The following TMTC2 variants were observed in gnomAD, a reference collection of about 807,000 sequenced individuals.
The protein encoded by TMTC2 is protein O-mannosyl-transferase TMTC2.
In TMTC2, 43 loss-of-function variants were observed where a neutral mutation model predicts 82.4. That is an observed-to-expected ratio of 0.52 (90% CI 0.41 to 0.67). The LOEUF is 0.67. Among genes scored for constraint, TMTC2 ranks in the 30% least tolerant of loss-of-function variants. The probability of loss-of-function intolerance (pLI) is 0.00; values close to 1 mark genes in which losing one functional copy is unlikely to be tolerated. For missense variants in TMTC2, 919 were observed against 1,012.4 expected, an observed-to-expected ratio of 0.91 and a Z score of 1.25; for synonymous variants, 408 against 381.9, an observed-to-expected ratio of 1.07 and a Z score of -0.80.
intron 11 of TMTC2, among the ~76,000 whole-genome samples, chr12:83,107,655 T>C (rs1884456608): frequency 6.6e-6 from 1 of 152,164 alleles, no homozygotes; most frequent in African/African-American, 2.4e-5. Context: ...TAAGTAAACA[T>C]GGATAAGAAA....
At chr12:82,840,318 G>A (rs1870264157) in intron 1 of TMTC2, among the ~76,000 whole-genome samples, 1 of 152,236 alleles carries the variant, frequency 6.6e-6, no homozygotes, top group Admixed American at 6.5e-5. Context: ...GTGTGTATGT[G>A]TGTTTAACAC....
intron 11 of TMTC2, among the ~76,000 whole-genome samples, chr12:83,065,171 T>G (rs930420417): frequency 6.6e-6 from 1 of 151,978 alleles, no homozygotes; most frequent in African/African-American, 2.4e-5. Context: ...ATTAAATAGC[T>G]TGCTGATTGT....
At chr12:83,081,828 C>G (rs973747537) in intron 11 of TMTC2, among the ~76,000 whole-genome samples, 2 of 151,890 alleles carry the variant, frequency 1.3e-5, no homozygotes, top group African/African-American at 4.8e-5. Flanking sequence ...CACTGGGGTC[C>G]AAGGGTTCGA....
intron 1 of TMTC2, among the ~76,000 whole-genome samples, chr12:82,799,575 G>A (rs1430744845): frequency 6.6e-6 from 1 of 152,118 alleles, no homozygotes; most frequent in Admixed American, 6.5e-5. Flanking sequence ...TGTCTGCAGG[G>A]TTGGTTTCTT....
chr12:82,794,168 C>A (rs1365620083), intron 1 of TMTC2, among the ~76,000 whole-genome samples: 1 of 152,148 alleles, frequency 6.6e-6, no homozygotes, highest in Non-Finnish European at 1.5e-5. Context: ...CCTCAGCTGG[C>A]ATGTGGGACA....
chr12:82,736,117 C>T (rs1353774111), intron 1 of TMTC2, among the ~76,000 whole-genome samples: 1 of 152,024 alleles, frequency 6.6e-6, no homozygotes, highest in African/African-American at 2.4e-5. Flanking sequence ...CATTTAGGGA[C>T]CATAGGAAAT....
intron 2 of TMTC2, among the ~76,000 whole-genome samples, chr12:82,864,496 C>CTTT (rs775559477): frequency 2.4e-3 from 260 of 107,676 alleles, no homozygotes; most frequent in Middle Eastern, 5.7e-3. Flanking sequence ...ATGTCACATT[C>CTTT]TTTTTTTTTT....
At chr12:83,131,213 C>T (rs944775610) in intron 11 of TMTC2, among the ~76,000 whole-genome samples, 9 of 152,122 alleles carry the variant, frequency 5.9e-5, no homozygotes, top group Non-Finnish European at 1.3e-4. Flanking sequence ...GTGTAACTGC[C>T]AAAATATTAT....
At chr12:82,718,887 G>C (rs983193280) in intron 1 of TMTC2, among the ~76,000 whole-genome samples, 7 of 151,394 alleles carry the variant, frequency 4.6e-5, no homozygotes, top group Non-Finnish European at 1.0e-4. Context: ...ATTAAACATA[G>C]GATTTAGGAT....
chr12:82,849,799 A>G (rs1870877987), intron 1 of TMTC2, among the ~76,000 whole-genome samples: 1 of 152,136 alleles, frequency 6.6e-6, no homozygotes, highest in Non-Finnish European at 1.5e-5. Context: ...AGCTTCAGGT[A>G]TGATTGGATC....
chr12:82,949,565 A>G (rs1877236439), intron 4 of TMTC2, among the ~76,000 whole-genome samples: 1 of 152,154 alleles, frequency 6.6e-6, no homozygotes, highest in African/African-American at 2.4e-5. Flanking sequence ...TTGGCTTTAA[A>G]CAGACTTGGC....
rs750327404 is a variant in TMTC2 at position 82,716,361 on chromosome 12, A to ATTTTTT, written c.83+28707_83+28712dup. ...TCACATTCGTATGCTTGTCTGGTAC[A>ATTTTTT]TTTTTTTTTTTTTTTTTTTTGAGAC... On this transcript the variant is annotated intron_variant, in intron 1 of 11. Transcript: ENST00000321196. 3.9e-5 allele frequency among the ~76,000 whole-genome samples: 5 copies of ATTTTTT among 129,048 alleles called. No homozygotes were observed. In the Admixed American group the frequency reaches 4.0e-4, roughly 10 times the overall value. 84.7% of individuals were successfully genotyped at this position (129,048 alleles called of 152,430 possible).
In TMTC2 at chr12:82,857,259, T is replaced by C; in HGVS notation, c.333T>C (p.Gly111=). 3.1e-6 allele frequency: 5 copies of C among 1,614,170 alleles called. No homozygotes were observed. The highest frequency in any genetic ancestry group is 4.2e-6 in the Non-Finnish European group (5 of 1,180,040). The change falls in exon 2 of 12, where the codon GGT becomes GGC. Residue 111 remains glycine, a synonymous_variant. Transcript: ENST00000321196. ...CAAGCTTCTCCAAGATCCTCCTTGG[T>C]GATGGATACTGGACATTCATGGCTG... ...LFTSFSKILL[G]DGYWTFMAGL...
intron 2 of TMTC2, among the ~76,000 whole-genome samples, chr12:82,865,058 CAA>C (rs1373298523): frequency 1.7e-3 from 143 of 84,362 alleles, no homozygotes; most frequent in African/African-American, 3.8e-3. Context: ...ACTAAAAATA[CAA>C]AAAAAAAAAA....
At chr12:82,892,808 G>T (rs1231525029) in intron 2 of TMTC2, among the ~76,000 whole-genome samples, 1 of 152,134 alleles carries the variant, frequency 6.6e-6, no homozygotes, top group Admixed American at 6.5e-5. Context: ...TGTCTTTCAA[G>T]ATCAGTCTTC....
intron 11 of TMTC2, among the ~76,000 whole-genome samples, chr12:83,104,341 A>G (rs1194594326): frequency 6.6e-6 from 1 of 152,100 alleles, no homozygotes. Context: ...TCCCCTTGGC[A>G]CGTCTCTAGT....
At chr12:82,750,979 G>A (rs571583166) in intron 1 of TMTC2, among the ~76,000 whole-genome samples, 5 of 152,154 alleles carry the variant, frequency 3.3e-5, no homozygotes, top group Non-Finnish European at 5.9e-5. Context: ...AGGCAAGCGT[G>A]ACTTCAGAGC....
At chr12:83,025,621 C>A (rs1031252319) in intron 8 of TMTC2, among the ~76,000 whole-genome samples, 8 of 152,190 alleles carry the variant, frequency 5.3e-5, no homozygotes, top group African/African-American at 1.9e-4. Flanking sequence ...GCAGACCTCA[C>A]AGGTTAAGGA....
chr12:82,755,356 T>C (rs748939179), intron 1 of TMTC2, among the ~76,000 whole-genome samples: 4 of 152,202 alleles, frequency 2.6e-5, no homozygotes, highest in Non-Finnish European at 4.4e-5. Flanking sequence ...CTATATTCTT[T>C]GTCTATGTAG....
Sources: gnomAD v4.1 joint callset for allele counts (sites outside exome capture counted in the v4.1 genomes callset) on GRCh38, gnomAD v4.1.1 for gene constraint, MANE v1.5 for transcripts, NCBI Gene and HGNC (gene_info 2026-07-23, HGNC 2026-07-21) for gene names.